Variants in CYP4A22 observed in about 807,000 individuals in gnomAD.
CYP4A22 encodes cytochrome P450 family 4 subfamily A member 22.
In CYP4A22, 46 loss-of-function variants were observed where a neutral mutation model predicts 56.2. That is an observed-to-expected ratio of 0.82 (90% CI 0.65 to 1.05). The LOEUF (loss-of-function observed/expected upper bound fraction) is 1.05. Ranked by LOEUF, CYP4A22 falls within the 50% of genes least tolerant of loss-of-function variation. The pLI is 0.00. For synonymous variants in CYP4A22, 193 were observed against 251.1 expected, an observed-to-expected ratio of 0.77 and a Z score of 2.19; for missense variants, 541 against 645.9, an observed-to-expected ratio of 0.84 and a Z score of 1.76.
At position 47,144,536 on chromosome 1, in the gene CYP4A22, C is replaced by A; in HGVS notation, c.898-14C>A. Reference sequence around the variant, plus strand: ...CAAGAGACAAGCCCTGCACTTTCACCACGGTCTTCCCAGATGGAGAATGGG... The same window carrying A: ...CAAGAGACAAGCCCTGCACTTTCACAACGGTCTTCCCAGATGGAGAATGGG... On this transcript the variant is annotated splice_polypyrimidine_tract_variant and intron_variant, in intron 7 of 11. Coordinates refer to ENST00000371891, the MANE Select transcript of CYP4A22 (RefSeq NM_001010969.4). The A allele has an allele frequency of 1.2e-6, 2 of 1,614,032 alleles. No individual in the cohort carries two copies. The highest frequency in any genetic ancestry group is 1.7e-6 in the Non-Finnish European group (2 of 1,179,866).
chr1:47,143,819 T>A lies in CYP4A22; in HGVS notation c.693T>A (p.Cys231Ter). 4 of 1,614,122 alleles carry A rather than the reference T, an allele frequency of 2.5e-6. No homozygotes were observed. The highest frequency in any genetic ancestry group is 3.4e-6 in the Non-Finnish European group (4 of 1,179,998). Residue 231 changes from cysteine (C) to a stop codon, truncating the protein, a stop_gained, in exon 6 of 12, where the codon TGT becomes TGA. Coordinates refer to ENST00000371891, the MANE Select transcript of CYP4A22 (RefSeq NM_001010969.4). LOFTEE classifies it high-confidence loss of function. ...ISDLNSLVFC[C>*]MRNAFHENDT... ...ACCTGAACAGCCTGGTTTTTTGCTGTATGAGGAATGCCTTTCATGAGAATG... is the reference window on the plus strand; with the variant it reads ...ACCTGAACAGCCTGGTTTTTTGCTGAATGAGGAATGCCTTTCATGAGAATG...
At chr1:47,138,584 G>A (rs571392678) in intron 1 of CYP4A22, among the ~76,000 whole-genome samples, 6 of 152,296 alleles carry the variant, frequency 3.9e-5, no homozygotes, top group Admixed American at 6.5e-5. Context: ...AATGTGGCCC[G>A]ACACAAATTC....
At chr1:47,142,014 A>C (rs113446326) in intron 3 of CYP4A22, 94 bp from the exon 4 acceptor site, 6 of 1,513,030 alleles carry the variant, frequency 4.0e-6, no homozygotes, top group Non-Finnish European at 5.3e-6. Context: ...TTCCCCCAGG[A>C]AGCCACCTTT....
At chr1:47,147,337 G>A (rs1645087494) in intron 11 of CYP4A22, 3 of 984,994 alleles carry the variant, frequency 3.0e-6, no homozygotes, top group African/African-American at 3.5e-5. Flanking sequence ...TACTCTCAGT[G>A]TATTTCATTC....
chr1:47,140,492 C>T (rs1433785718), intron 1 of CYP4A22, among the ~76,000 whole-genome samples: 1 of 152,196 alleles, frequency 6.6e-6, no homozygotes, highest in Non-Finnish European at 1.5e-5. Context: ...GAGTTATGCA[C>T]ATTGCCCAAG....
chr1:47,148,154 G>A (rs887803905), intron 11 of CYP4A22, among the ~76,000 whole-genome samples: 1 of 152,204 alleles, frequency 6.6e-6, no homozygotes, highest in African/African-American at 2.4e-5. Context: ...TGAGGATTCA[G>A]GTCCCTGTGT....
chr1:47,147,049 G>A (rs1232245675), intron 11 of CYP4A22: 3 of 985,276 alleles, frequency 3.0e-6, no homozygotes, highest in African/African-American at 1.7e-5. Context: ...AAATCATCGT[G>A]GCATCAGGAA....
intron 4 of CYP4A22, 95 bp from the exon 5 acceptor site, chr1:47,143,174 A>G: frequency 2.0e-6 from 3 of 1,537,470 alleles, no homozygotes; most frequent in Non-Finnish European, 2.6e-6. Context: ...AGCTACAGGA[A>G]AAAACAAGAT....
rs759156135 is a variant in CYP4A22 at position 47,140,883 on chromosome 1, A to G, written c.299A>G (p.Tyr100Cys). Residue 100 changes from tyrosine to cysteine, a missense_variant, in exon 2 of 12, where the codon TAT (tyrosine) becomes TGT (cysteine). Transcript: ENST00000371891. ...IWGGKVRVQLYDPDYMKVILG... is the reference protein window; with the variant it reads ...IWGGKVRVQLCDPDYMKVILG... ...GGAGGCAAAGTTCGTGTCCAGCTCTATGACCCTGACTATATGAAGGTGATT... is the reference window on the plus strand; with the variant it reads ...GGAGGCAAAGTTCGTGTCCAGCTCTGTGACCCTGACTATATGAAGGTGATT... The G allele has an allele frequency of 8.1e-6, 13 of 1,614,178 alleles. No homozygotes were observed. In the South Asian group the frequency reaches 1.1e-4, roughly 14 times the overall value.
chr1:47,142,048 C>A, intron 3 of CYP4A22, 60 bp from the exon 4 acceptor site: 2 of 1,543,334 alleles, frequency 1.3e-6, no homozygotes, highest in South Asian at 1.3e-5. Flanking sequence ...TGTCACCAGT[C>A]ATCCCTAGGT....
chr1:47,148,193 T>C (rs567302466), intron 11 of CYP4A22, among the ~76,000 whole-genome samples: 110 of 152,270 alleles, frequency 7.2e-4, no homozygotes, highest in African/African-American at 2.4e-3. Context: ...CACCTGAGAG[T>C]GTGGCCCACC....
In CYP4A22 at chr1:47,143,317, C is replaced by T. The variant is rs775375934; in HGVS notation, c.559C>T (p.Gln187Ter). The change falls in exon 5 of 12, where the codon CAG becomes TAG. Residue 187 changes from glutamine to a stop codon, truncating the protein, a stop_gained. Coordinates refer to ENST00000371891, the MANE Select transcript of CYP4A22 (RefSeq NM_001010969.4). LOFTEE classifies it high-confidence loss of function. ...CCAGGATTCCCCTCTGGAGGTCTTT[C>T]AGCACGTCTCCTTGATGACCCTGGA... is the stretch of plus-strand genomic sequence containing the variant. ...LGQDSPLEVFQHVSLMTLDTI... is the reference protein window; with the variant it reads ...LGQDSPLEVF 1.2e-6 allele frequency: 2 copies of T among 1,613,830 alleles called. No homozygotes were observed. Among genetic ancestry groups the T allele is most frequent in the African/African-American group, 2.7e-5 (2 of 74,924 alleles).
At position 47,145,770 on chromosome 1, in the gene CYP4A22, A is replaced by G. The variant is rs906058097; in HGVS notation, c.1223-96A>G. On this transcript the variant is annotated intron_variant, in intron 9 of 11. Coordinates refer to ENST00000371891, the MANE Select transcript of CYP4A22 (RefSeq NM_001010969.4). ...GTCAAAGTGACAATTTATAGAAAGT[A>G]GGTGTTTTGGGCCTTCTTTTGCCCC... The G allele has an allele frequency of 4.6e-6, 7 of 1,520,316 alleles. No homozygotes were observed. The African/African-American group carries it at 9.7e-5, about 21-fold the overall frequency. 94.2% of individuals were successfully genotyped at this position (1,520,316 alleles called of 1,614,324 possible). A position where few individuals can be genotyped will look rare whatever the true frequency, so the allele number is the denominator to read the frequency against.
At position 47,141,587 on chromosome 1, in the gene CYP4A22, A is replaced by G. The variant is rs2758718; in HGVS notation, c.354A>G (p.Gly118=). 1.2e-6 allele frequency: 2 copies of G among 1,613,750 alleles called. No homozygotes were observed. Among genetic ancestry groups the G allele is most frequent in the Non-Finnish European group, 1.7e-6 (2 of 1,179,788 alleles). The change falls in exon 3 of 12, where the codon GGA becomes GGG. Residue 118 remains glycine (G), a synonymous_variant. Coordinates refer to ENST00000371891, the MANE Select transcript of CYP4A22 (RefSeq NM_001010969.4). The part of the protein sequence containing the change: ...ILGRSDPKSH[G]SYKFLAPRIG... ...ACTTTTCAGACCCGAAATCCCATGG[A>G]TCCTACAAATTCCTGGCTCCACGGA...
chr1:47,143,193 G>T, intron 4 of CYP4A22, 76 bp from the exon 5 acceptor site: 1 of 1,547,998 alleles, frequency 6.5e-7, no homozygotes, highest in Non-Finnish European at 8.7e-7. Context: ...ATATCTGCAG[G>T]TACATGAAAA....
At chr1:47,146,393 A>C in intron 11 of CYP4A22, 1 of 1,398,606 alleles carries the variant, frequency 7.1e-7, no homozygotes, top group Non-Finnish European at 9.3e-7. Context: ...GCCTGAATTC[A>C]CTGTCAGTGC....
intron 5 of CYP4A22, 86 bp downstream of exon 5, chr1:47,143,479 G>C (rs1645036794): frequency 6.7e-7 from 1 of 1,503,360 alleles, no homozygotes; most frequent in Non-Finnish European, 8.9e-7. Flanking sequence ...CAGCGTGAAG[G>C]CTCACCGCCA....
At chr1:47,147,188 C>T in intron 11 of CYP4A22, 8 of 985,406 alleles carry the variant, frequency 8.1e-6, no homozygotes, top group Non-Finnish European at 9.6e-6. Flanking sequence ...AAGCTTCCTC[C>T]TGAAACTCCT....
Position 47,149,573 on chromosome 1 carries a change from C to G in CYP4A22, c.*776C>G, listed in dbSNP as rs1478935371. ...TCACCCCCACAACCTGGTGTTGGGT[C>G]CGATAACCCCAACATCCCTGAATCT... On this transcript the variant is annotated 3_prime_UTR_variant, in exon 12 of 12. Coordinates refer to ENST00000371891, the MANE Select transcript of CYP4A22 (RefSeq NM_001010969.4). 3 of 152,130 alleles carry G rather than the reference C, an allele frequency of 2.0e-5. No individual in the cohort carries two copies. Among genetic ancestry groups the G allele is most frequent in the African/African-American group, 7.2e-5 (3 of 41,430 alleles). The allele number at this position is 152,130 out of a possible 1,614,324, so 9.4% of individuals were successfully genotyped here.
Sources: gnomAD v4.1 joint callset for allele counts (sites outside exome capture counted in the v4.1 genomes callset) on GRCh38, gnomAD v4.1.1 for gene constraint, MANE v1.5 for transcripts, NCBI Gene and HGNC (gene_info 2026-07-23, HGNC 2026-07-21) for gene names.